LHFPL3: variants seen among roughly 807,000 people sequenced by gnomAD.
The protein encoded by LHFPL3 is LHFPL tetraspan subfamily member 3, also known as LHFPL tetraspan subfamily member 3 protein.
Under a neutral mutation model 19.3 loss-of-function variants are expected in LHFPL3, and 5 were observed. The ratio of observed to expected loss-of-function variants is 0.26; its 90% CI spans 0.14 to 0.54. LHFPL3 has a LOEUF of 0.54. LHFPL3 is among the 20% of genes least tolerant of loss of function. LHFPL3 has a pLI of 0.94. For missense variants in LHFPL3, 249 were observed against 307.4 expected (o/e 0.81, Z 1.42); for synonymous variants, 133 against 126.2 (o/e 1.05, Z -0.36).
chr7:104,686,164 T>C (rs1792801087), intron 1 of LHFPL3, among the ~76,000 whole-genome samples: 1 of 152,172 alleles, frequency 6.6e-6, no homozygotes, highest in East Asian at 1.9e-4. Context: ...GAGGTCCTGT[T>C]ACCTACCTCA....
chr7:104,696,346 G>A (rs1236128271), intron 1 of LHFPL3, among the ~76,000 whole-genome samples: 1 of 152,218 alleles, frequency 6.6e-6, no homozygotes, highest in Non-Finnish European at 1.5e-5. Flanking sequence ...GCACTGCAAA[G>A]TACCAGTGTC....
chr7:104,361,453 A>G (rs1253212439), intron 1 of LHFPL3, among the ~76,000 whole-genome samples: 2 of 152,216 alleles, frequency 1.3e-5, no homozygotes, highest in Admixed American at 6.5e-5. Context: ...TTTGGTAAAG[A>G]AGCTTTAATT....
intron 1 of LHFPL3, among the ~76,000 whole-genome samples, chr7:104,368,324 C>T (rs1790534650): frequency 6.6e-6 from 1 of 152,102 alleles, no homozygotes; most frequent in African/African-American, 2.4e-5. Context: ...GATCTACCCT[C>T]TCATTTTTTG....
At chr7:104,741,165 A>C (rs929833465) in intron 2 of LHFPL3, among the ~76,000 whole-genome samples, 1 of 152,178 alleles carries the variant, frequency 6.6e-6, no homozygotes, top group Non-Finnish European at 1.5e-5. Flanking sequence ...ACTTCAGTCA[A>C]CTAGCCCCAA....
chr7:104,398,006 G>T (rs1791226759), intron 1 of LHFPL3, among the ~76,000 whole-genome samples: 1 of 151,630 alleles, frequency 6.6e-6, no homozygotes, highest in Non-Finnish European at 1.5e-5. Flanking sequence ...CTTTTAGGAT[G>T]ATAATCCAAC....
intron 2 of LHFPL3, among the ~76,000 whole-genome samples, chr7:104,867,903 G>C (rs1011357358): frequency 1.3e-5 from 2 of 152,066 alleles, no homozygotes; most frequent in Non-Finnish European, 2.9e-5. Context: ...CTTCATCCCT[G>C]GGATGCAAGG....
chr7:104,473,142 A>G (rs1358846396), intron 1 of LHFPL3, among the ~76,000 whole-genome samples: 1 of 152,230 alleles, frequency 6.6e-6, no homozygotes, highest in Non-Finnish European at 1.5e-5. Flanking sequence ...TCTATGAAAT[A>G]TAAATCCTAC....
At chr7:104,411,960 G>A (rs879639138) in intron 1 of LHFPL3, among the ~76,000 whole-genome samples, 22 of 152,040 alleles carry the variant, frequency 1.4e-4, no homozygotes, top group South Asian at 2.1e-4. Flanking sequence ...CAAATCTCCC[G>A]TCCGACTGTG....
chr7:104,456,732 G>A (rs529507346), intron 1 of LHFPL3, among the ~76,000 whole-genome samples: 1 of 152,068 alleles, frequency 6.6e-6, no homozygotes, highest in Non-Finnish European at 1.5e-5. Flanking sequence ...CTTTTTGAAC[G>A]CAAGCACTAT....
chr7:104,535,547 C>T (rs1447563607), intron 1 of LHFPL3, among the ~76,000 whole-genome samples: 2 of 152,170 alleles, frequency 1.3e-5, no homozygotes, highest in Non-Finnish European at 2.9e-5. Flanking sequence ...AAATAACCCC[C>T]TCAAGCATCC....
chr7:104,381,792 T>C (rs563949426), intron 1 of LHFPL3, among the ~76,000 whole-genome samples: 12 of 152,334 alleles, frequency 7.9e-5, no homozygotes, highest in African/African-American at 2.4e-4. Flanking sequence ...TAGTGGTAAG[T>C]TGATTTTGAC....
chr7:104,667,694 T>C lies in LHFPL3; in HGVS notation c.446-68981T>C, dbSNP rs1792382638. 4 of 1,297,328 alleles carry C rather than the reference T, an allele frequency of 3.1e-6. No homozygotes were observed. The South Asian group carries it at 5.2e-5, about 17-fold the overall frequency. The allele number at this position is 1,297,328 out of a possible 1,614,324, so 80.4% of individuals were successfully genotyped here. A position where few individuals can be genotyped will look rare whatever the true frequency, so the allele number is the denominator to read the frequency against. ...TTAACATGCCATTATACATGCAATT[T>C]ACAACTTAGAGGAGTACTTAAAGAA... On this transcript the variant is annotated intron_variant, in intron 1 of 2. Coordinates refer to ENST00000424859, the MANE Select transcript of LHFPL3 (RefSeq NM_199000.3).
intron 1 of LHFPL3, among the ~76,000 whole-genome samples, chr7:104,405,068 A>AGT (rs1037258061): frequency 6.6e-6 from 1 of 152,010 alleles, no homozygotes; most frequent in African/African-American, 2.4e-5. Context: ...TATTTGGATG[A>AGT]GTGTGTGTGT....
intron 2 of LHFPL3, among the ~76,000 whole-genome samples, chr7:104,851,424 G>A (rs183990929): frequency 1.1e-4 from 17 of 152,256 alleles, no homozygotes; most frequent in African/African-American, 3.9e-4. Flanking sequence ...TTCTTGGAGA[G>A]TTGGAGATTT....
At chr7:104,839,356 C>A (rs1791153289) in intron 2 of LHFPL3, among the ~76,000 whole-genome samples, 1 of 152,142 alleles carries the variant, frequency 6.6e-6, no homozygotes, top group Non-Finnish European at 1.5e-5. Flanking sequence ...ACCTGAATTT[C>A]TTTTATATTA....
intron 2 of LHFPL3, among the ~76,000 whole-genome samples, chr7:104,828,501 T>C (rs1790868620): frequency 6.6e-6 from 1 of 151,874 alleles, no homozygotes; most frequent in South Asian, 2.1e-4. Context: ...TGCCCAAATA[T>C]CATTCTAGCC....
intron 1 of LHFPL3, among the ~76,000 whole-genome samples, chr7:104,699,992 AC>A (rs1554426373): frequency 6.6e-6 from 1 of 152,058 alleles, no homozygotes; most frequent in Non-Finnish European, 1.5e-5. Context: ...GTCAGCTGCA[AC>A]CTCTATTCAT....
At chr7:104,680,456 C>T (rs1027428977) in intron 1 of LHFPL3, among the ~76,000 whole-genome samples, 13 of 152,180 alleles carry the variant, frequency 8.5e-5, no homozygotes, top group African/African-American at 3.1e-4. Context: ...GTATGAGTGA[C>T]ATGAGCAAGT....
intron 2 of LHFPL3, among the ~76,000 whole-genome samples, chr7:104,777,542 A>G (rs979489103): frequency 5.3e-5 from 8 of 152,178 alleles, no homozygotes; most frequent in Admixed American, 5.2e-4. Flanking sequence ...TTTGGTTGCT[A>G]TGTCTGCAGT....
Sources: gnomAD v4.1 joint callset for allele counts (sites outside exome capture counted in the v4.1 genomes callset) on GRCh38, gnomAD v4.1.1 for gene constraint, MANE v1.5 for transcripts, NCBI Gene and HGNC (gene_info 2026-07-23, HGNC 2026-07-21) for gene names.